GLIS3: variants seen among roughly 807,000 people sequenced by gnomAD.
GLIS3 encodes GLIS family zinc finger 3.
Under a neutral mutation model 78.6 loss-of-function variants are expected in GLIS3, and 53 were observed. The observed-to-expected ratio is 0.67, with a 90% CI of 0.54 to 0.85. The LOEUF (loss-of-function observed/expected upper bound fraction) is 0.85. GLIS3 is among the 40% of genes least tolerant of loss of function. The pLI, the probability that GLIS3 is intolerant of heterozygous loss-of-function variation, is 0.00. For synonymous variants in GLIS3, 684 were observed against 509.9 expected (o/e 1.34, Z -4.60); for missense variants, 1,703 against 1,231.1 (o/e 1.38, Z -5.74).
intron 4 of GLIS3, among the ~76,000 whole-genome samples, chr9:3,967,591 G>A (rs1818050163): frequency 6.6e-6 from 1 of 152,070 alleles, no homozygotes; most frequent in South Asian, 2.1e-4. Flanking sequence ...TGTGTTACAG[G>A]GGCAGCAACA....
the GLIS3 span, among the ~76,000 whole-genome samples, chr9:4,406,315 T>C: frequency 6.6e-6 from 1 of 152,184 alleles, no homozygotes; most frequent in African/African-American, 2.4e-5. Context: ...AGATGATACA[T>C]TGTTCTTTTT....
chr9:4,180,048 A>G (rs1817164746), intron 2 of GLIS3, among the ~76,000 whole-genome samples: 1 of 152,134 alleles, frequency 6.6e-6, no homozygotes, highest in South Asian at 2.1e-4. Flanking sequence ...CATTTGACGG[A>G]TACCTGACTT....
intron 2 of GLIS3, among the ~76,000 whole-genome samples, chr9:4,194,783 A>G (rs1247490489): frequency 6.6e-6 from 1 of 152,206 alleles, no homozygotes; most frequent in East Asian, 1.9e-4. Flanking sequence ...ACCCTGGCCA[A>G]GGGAGAGTAC....
chr9:4,143,599 C>T (rs1201838006), intron 2 of GLIS3, among the ~76,000 whole-genome samples: 1 of 151,988 alleles, frequency 6.6e-6, no homozygotes, highest in Non-Finnish European at 1.5e-5. Context: ...AAACTACTCT[C>T]TTAATAAATT....
intron 2 of GLIS3, among the ~76,000 whole-genome samples, chr9:4,325,952 C>G (rs999683636): frequency 6.6e-6 from 1 of 152,134 alleles, no homozygotes; most frequent in Non-Finnish European, 1.5e-5. Context: ...AACACAAGAA[C>G]AGAGAAACAA....
intron 6 of GLIS3, among the ~76,000 whole-genome samples, chr9:3,901,736 A>G (rs535076088): frequency 1.1e-4 from 16 of 152,172 alleles, no homozygotes; most frequent in Non-Finnish European, 2.4e-4. Flanking sequence ...ACTTTGTTGT[A>G]ATTTCCTCAG....
Position 4,122,370 on chromosome 9 carries a change from C to T in GLIS3, c.596+3364G>A, listed in dbSNP as rs369226224. Among the ~76,000 whole-genome samples the T allele has an allele frequency of 3.2e-4, 48 of 152,266 alleles. No homozygotes were observed. In the South Asian group the frequency reaches 7.9e-3, roughly 25 times the overall value. ...AGCAAATCCCCTAAAAGAATTAGTA[C>T]TGTATCTAAAGACAGGATGGCTTTA... On this transcript the variant is annotated intron_variant, in intron 3 of 10. Transcript: ENST00000381971.
intron 4 of GLIS3, among the ~76,000 whole-genome samples, chr9:3,964,662 C>T (rs1397103506): frequency 1.3e-5 from 2 of 152,160 alleles, no homozygotes; most frequent in African/African-American, 2.4e-5. Context: ...GCCTGTCATG[C>T]TGGAATACTG....
In GLIS3 at chr9:3,987,557, CTGGGCGTTGTGG is replaced by C. The variant is rs1338931809; in HGVS notation, c.1711-50380_1711-50369del. Among the ~76,000 whole-genome samples, 10 of 151,568 alleles carry C rather than the reference CTGGGCGTTGTGG, an allele frequency of 6.6e-5. No homozygotes were observed. In the East Asian group the frequency reaches 1.9e-3, roughly 29 times the overall value. ...TCTCTACTAAAAATGCAAAAATTAG[CTGGGCGTTGTGG>C]TGGGCGCCTGTAATCCCAGCTACTC... On this transcript the variant is annotated intron_variant, in intron 4 of 10. Coordinates refer to ENST00000381971, the MANE Select transcript of GLIS3 (RefSeq NM_001042413.2).
intron 2 of GLIS3, among the ~76,000 whole-genome samples, chr9:4,320,024 T>TGCGCGC (rs1415418295): frequency 1.8e-5 from 1 of 55,300 alleles, no homozygotes; most frequent in Admixed American, 1.7e-4. Flanking sequence ...TGTGTGTGTG[T>TGCGCGC]GCGCGCGCAC....
intron 2 of GLIS3, among the ~76,000 whole-genome samples, chr9:4,179,623 T>G (rs10465028): frequency 0.078 from 11,809 of 152,192 alleles, 573 homozygotes; most frequent in East Asian, 0.22. Flanking sequence ...AAAAGTTAAT[T>G]TCTAGGCCAG....
At chr9:4,183,117 A>G (rs1225453855) in intron 2 of GLIS3, among the ~76,000 whole-genome samples, 3 of 152,188 alleles carry the variant, frequency 2.0e-5, no homozygotes, top group Non-Finnish European at 4.4e-5. Flanking sequence ...AAAGACAGCT[A>G]TCTTTGGGTT....
chr9:4,175,739 A>G (rs1816757679), intron 2 of GLIS3, among the ~76,000 whole-genome samples: 1 of 152,238 alleles, frequency 6.6e-6, no homozygotes, highest in Admixed American at 6.5e-5. Context: ...GAAGGCCCAG[A>G]GGAAGTGAAG....
the GLIS3 span, among the ~76,000 whole-genome samples, chr9:4,436,812 A>AT: frequency 1.1e-5 from 1 of 90,724 alleles, no homozygotes; most frequent in African/African-American, 3.7e-5. Flanking sequence ...CTGCATCTCA[A>AT]AAAAAAAAAA....
rs931145561 is a variant in GLIS3 at position 4,183,634 on chromosome 9, A to G, written c.389-57693T>C. Among the ~76,000 whole-genome samples, 3 of 152,352 alleles carry G rather than the reference A, an allele frequency of 2.0e-5. No individual in the cohort carries two copies. The South Asian group carries it at 6.2e-4, about 32-fold the overall frequency. On this transcript the variant is annotated intron_variant, in intron 2 of 10. Transcript: ENST00000381971. The stretch of plus-strand genomic sequence containing the variant: ...CATCTGTAAACTAAGGACACTGATT[A>G]GATTTACTTTGAAGGTCTCTTTCAG...
chr9:4,451,984 C>T, the GLIS3 span, among the ~76,000 whole-genome samples: 60 of 151,970 alleles, frequency 3.9e-4, no homozygotes, highest in African/African-American at 1.3e-3. Flanking sequence ...ACAATCAAGT[C>T]GGCTTCATCC....
intron 4 of GLIS3, among the ~76,000 whole-genome samples, chr9:4,030,628 C>A (rs1182617264): frequency 1.3e-5 from 2 of 152,164 alleles, no homozygotes; most frequent in Non-Finnish European, 2.9e-5. Context: ...GGTCAACTTT[C>A]ATTCTTCTGC....
At chr9:4,402,433 G>A in the GLIS3 span, among the ~76,000 whole-genome samples, 617 of 152,238 alleles carry the variant, frequency 4.1e-3, 6 homozygotes, top group Non-Finnish European at 4.5e-3. Flanking sequence ...ACATCTACAA[G>A]CATCAACACC....
At position 4,125,791 on chromosome 9, in the gene GLIS3, G is replaced by A; in HGVS notation, c.539C>T (p.Pro180Leu). ...TGCATTCATTGCCCTCTGTAAGCTA[G>A]GACTGATCTGGTTGCATGCTGTAGA... ...QVSTACNQIS[P>L]SLQRAMNAAN... is the part of the protein sequence containing the mutation. The change falls in exon 3 of 11, where the codon CCT becomes CTT. Residue 180 changes from proline to leucine, a missense_variant. Pro to Leu is a moderately conservative substitution (Grantham distance 98). Coordinates refer to ENST00000381971, the MANE Select transcript of GLIS3 (RefSeq NM_001042413.2). 6.2e-7 allele frequency: 1 copy of A among 1,614,140 alleles called. No homozygotes were observed. The highest frequency in any genetic ancestry group is 8.5e-7 in the Non-Finnish European group (1 of 1,180,002).
Sources: allele counts gnomAD v4.1 joint callset (sites outside exome capture counted in the v4.1 genomes callset), GRCh38; gene constraint gnomAD v4.1.1; transcripts MANE v1.5; gene names NCBI Gene and HGNC (gene_info 2026-07-23, HGNC 2026-07-21).